SSBP3: variants seen among roughly 807,000 people sequenced by gnomAD.
SSBP3 encodes the protein single-stranded DNA-binding protein 3.
SSBP3 carries 5 observed loss-of-function variants against 69.6 expected under a neutral mutation model. The observed-to-expected ratio is 0.07, with a 90% CI of 0.04 to 0.15. The LOEUF is 0.15. SSBP3 is among the 10% of genes least tolerant of loss of function. SSBP3 has a pLI of 1.00. For missense variants in SSBP3, 312 were observed against 534.0 expected, an observed-to-expected ratio of 0.58 and a Z score of 4.10; for synonymous variants, 196 against 193.4, an observed-to-expected ratio of 1.01 and a Z score of -0.11.
At chr1:54,393,836 T>G (rs757659744) in intron 4 of SSBP3, among the ~76,000 whole-genome samples, 1 of 152,208 alleles carries the variant, frequency 6.6e-6, no homozygotes, top group East Asian at 1.9e-4. Flanking sequence ...CTTGGCTCAC[T>G]GCAACCTCCA....
At chr1:54,260,056 G>A (rs959366866) in intron 5 of SSBP3, among the ~76,000 whole-genome samples, 43 of 152,324 alleles carry the variant, frequency 2.8e-4, no homozygotes, top group African/African-American at 9.9e-4. Context: ...GTACAGGGAA[G>A]GAAAATTGAA....
rs147766542 is a variant in SSBP3 at position 54,317,397 on chromosome 1, T to C, written c.277-35870A>G. Among the ~76,000 whole-genome samples the C allele has an allele frequency of 6.3e-3, 950 of 151,576 alleles. 12 individuals are homozygous for C. Among genetic ancestry groups the C allele is most frequent in the African/African-American group, 0.022 (910 of 41,312 alleles). The stretch of plus-strand genomic sequence containing the variant: ...ACAAAAAATACAAAAATGAGCCGGG[T>C]GTGGTGGCAGGCGCCTGTGATCCCA... On this transcript the variant is annotated intron_variant, in intron 4 of 17. Coordinates refer to ENST00000610401, the Ensembl canonical transcript of SSBP3.
At chr1:54,381,920 A>G (rs1365794762) in intron 4 of SSBP3, among the ~76,000 whole-genome samples, 8 of 152,246 alleles carry the variant, frequency 5.3e-5, no homozygotes, top group Non-Finnish European at 1.0e-4. Flanking sequence ...TAGGCTGGGC[A>G]TGGTGGCTCA....
At chr1:54,252,161 G>A (rs966737765) in intron 7 of SSBP3, among the ~76,000 whole-genome samples, 1 of 152,186 alleles carries the variant, frequency 6.6e-6, no homozygotes, top group Non-Finnish European at 1.5e-5. Context: ...AGTGAGGCAG[G>A]AGACCAAGTT....
intron 4 of SSBP3, chr1:54,356,783 C>G (rs552994906): frequency 6.6e-6 from 1 of 152,278 alleles, no homozygotes; most frequent in East Asian, 1.9e-4. Flanking sequence ...TACAAGTCAT[C>G]GGGTGTCCAC....
intron 4 of SSBP3, among the ~76,000 whole-genome samples, chr1:54,360,085 C>A (rs1422222477): frequency 6.6e-6 from 1 of 152,192 alleles, no homozygotes; most frequent in Admixed American, 6.5e-5. Context: ...ATATTAAAAA[C>A]AAATAAGCCA....
At chr1:54,292,719 T>C (rs570545059) in intron 4 of SSBP3, among the ~76,000 whole-genome samples, 20 of 152,276 alleles carry the variant, frequency 1.3e-4, no homozygotes, top group Admixed American at 9.8e-4. Flanking sequence ...AAGGGAATGC[T>C]AATGCCTCCA....
chr1:54,236,088 C>T (rs1644487235), intron 14 of SSBP3, among the ~76,000 whole-genome samples: 1 of 151,922 alleles, frequency 6.6e-6, no homozygotes. Context: ...ACAGTATATA[C>T]ATTTCTATTT....
At chr1:54,308,095 T>C (rs530925772) in intron 4 of SSBP3, among the ~76,000 whole-genome samples, 4 of 152,202 alleles carry the variant, frequency 2.6e-5, no homozygotes, top group East Asian at 1.9e-4. Flanking sequence ...CATTAAGTCA[T>C]GTTTTAAAGC....
At chr1:54,295,246 C>T (rs528479136) in intron 4 of SSBP3, among the ~76,000 whole-genome samples, 1 of 152,312 alleles carries the variant, frequency 6.6e-6, no homozygotes, top group Admixed American at 6.5e-5. Flanking sequence ...GTGCTGATCA[C>T]GTCCTGGGAA....
At chr1:54,300,433 A>G (rs919158817) in intron 4 of SSBP3, among the ~76,000 whole-genome samples, 110 of 152,312 alleles carry the variant, frequency 7.2e-4, no homozygotes, top group African/African-American at 2.6e-3. Context: ...GAGGATGTGC[A>G]GAACGACCAA....
rs185181726 is a variant in SSBP3, at chr1:54,255,585, C to G, written c.507+1542G>C. ...CCCAGCTCACTTTGGGAAGTCACTCCTCCACTCTGACCTTTTGTTTCCTCA... is the reference window on the plus strand; with the variant it reads ...CCCAGCTCACTTTGGGAAGTCACTCGTCCACTCTGACCTTTTGTTTCCTCA... On this transcript the variant is annotated intron_variant, in intron 7 of 17. Transcript: ENST00000610401. The G allele has an allele frequency of 2.6e-5, 4 of 152,202 alleles. No homozygotes were observed. The East Asian group carries it at 7.7e-4, about 29-fold the overall frequency. The allele number at this position is 152,202 out of a possible 1,614,324, so 9.4% of individuals were successfully genotyped here.
At chr1:54,377,248 G>A (rs938013016) in intron 4 of SSBP3, among the ~76,000 whole-genome samples, 3 of 152,116 alleles carry the variant, frequency 2.0e-5, no homozygotes, top group South Asian at 2.1e-4. Context: ...TGAAACCCAC[G>A]GTGCTCCTCC....
chr1:54,298,113 C>T (rs983465457), intron 4 of SSBP3, among the ~76,000 whole-genome samples: 11 of 152,174 alleles, frequency 7.2e-5, no homozygotes, highest in Non-Finnish European at 1.6e-4. Flanking sequence ...AACAGCTGCC[C>T]AAACAGGTAT....
chr1:54,397,717 A>G (rs371826810), intron 4 of SSBP3, among the ~76,000 whole-genome samples: 1 of 152,222 alleles, frequency 6.6e-6, no homozygotes, highest in South Asian at 2.1e-4. Flanking sequence ...CAAGTTCTTC[A>G]CTGGGAATCA....
chr1:54,345,527 T>C (rs1646675043), intron 4 of SSBP3, among the ~76,000 whole-genome samples: 7 of 152,120 alleles, frequency 4.6e-5, no homozygotes, highest in Admixed American at 4.6e-4. Context: ...TCAAAAGTAA[T>C]AGGGCAGAAA....
chr1:54,247,656 C>T (rs1270390570), intron 9 of SSBP3, among the ~76,000 whole-genome samples: 2 of 152,156 alleles, frequency 1.3e-5, no homozygotes, highest in African/African-American at 4.8e-5. Flanking sequence ...CCTGATTCTA[C>T]TCTGTCCTGG....
intron 4 of SSBP3, among the ~76,000 whole-genome samples, chr1:54,364,400 C>T (rs900605962): frequency 3.9e-5 from 6 of 152,176 alleles, no homozygotes; most frequent in African/African-American, 1.4e-4. Flanking sequence ...TTTGTAAATG[C>T]TTACTGAGAC....
chr1:54,280,991 A>T (rs1020829912), intron 5 of SSBP3, among the ~76,000 whole-genome samples: 2 of 152,156 alleles, frequency 1.3e-5, no homozygotes, highest in Non-Finnish European at 2.9e-5. Context: ...GTGTTTTTTT[A>T]AGATTACGCC....
Sources: allele counts gnomAD v4.1 joint callset (sites outside exome capture counted in the v4.1 genomes callset), GRCh38; gene constraint gnomAD v4.1.1; transcripts MANE v1.5; gene names NCBI Gene and HGNC (gene_info 2026-07-23, HGNC 2026-07-21).